The following ZFYVE26 variants were observed in gnomAD, a reference collection of about 807,000 sequenced individuals.
ZFYVE26 encodes the protein zinc finger FYVE-type containing 26, also known as zinc finger FYVE domain-containing protein 26.
A neutral mutation model predicts 276.5 loss-of-function variants in ZFYVE26; 181 were observed. The observed-to-expected ratio is 0.65, with a 90% CI of 0.58 to 0.74. ZFYVE26 has a LOEUF of 0.74. Among genes scored for constraint, ZFYVE26 ranks in the 30% least tolerant of loss-of-function variants. ZFYVE26 has a pLI of 0.00. For synonymous variants in ZFYVE26, 1,129 were observed against 1,203.1 expected (o/e 0.94, Z 1.27); for missense variants, 2,821 against 3,097.9 (o/e 0.91, Z 2.12).
In ZFYVE26 at chr14:67,783,381, G is replaced by T. The variant is rs2140223746; in HGVS notation, c.3771C>A (p.Ala1257=). Residue 1257 remains alanine, a synonymous_variant, in exon 21 of 42, where the codon GCC becomes GCA. Coordinates refer to ENST00000347230, the MANE Select transcript of ZFYVE26 (RefSeq NM_015346.4). ...SSLLTRLGTL[A]QLHASHCLDD... is the part of the protein sequence containing the mutation. Reference sequence around the variant, plus strand: ...CCAGGCAGTGAGAGGCGTGTAGCTGGGCCAGAGTACCCAGACGAGTCAGGA... The same window carrying T: ...CCAGGCAGTGAGAGGCGTGTAGCTGTGCCAGAGTACCCAGACGAGTCAGGA... 4 of 1,614,138 alleles carry T rather than the reference G, an allele frequency of 2.5e-6. No individual in the cohort carries two copies. The highest frequency in any genetic ancestry group is 3.4e-6 in the Non-Finnish European group (4 of 1,180,004).
At chr14:67,776,901 T>C (rs12893157) in intron 25 of ZFYVE26, among the ~76,000 whole-genome samples, 104,390 of 152,158 alleles carry the variant, frequency 0.69, 36,271 homozygotes, top group East Asian at 0.98. Context: ...TATAGGACTG[T>C]CAGGCAGAAT....
intron 13 of ZFYVE26, among the ~76,000 whole-genome samples, chr14:67,732,513 T>C (rs571191441): frequency 3.1e-5 from 4 of 130,786 alleles, no homozygotes; most frequent in African/African-American, 1.1e-4. Flanking sequence ...AGAGACTATA[T>C]CTCTATTTAT....
Position 67,761,604 on chromosome 14 carries a change from G to C in ZFYVE26, c.6370-20C>G, listed in dbSNP as rs548513659. ...ATCTTGCTGACAGCACAGGGAGCGA[G>C]AGAGAAAAATGAAACTCAAAAAGTT... On this transcript the variant is annotated intron_variant, in intron 34 of 41. Transcript: ENST00000347230. The C allele has an allele frequency of 6.2e-7, 1 of 1,609,774 alleles. No individual in the cohort carries two copies. The highest frequency in any genetic ancestry group is 1.1e-5 in the South Asian group (1 of 90,380).
Position 67,815,882 on chromosome 14 carries a change from C to T in ZFYVE26, c.82G>A (p.Glu28Lys). 6.2e-7 allele frequency: 1 copy of T among 1,614,184 alleles called. No individual in the cohort carries two copies. Among genetic ancestry groups the T allele is most frequent in the Non-Finnish European group, 8.5e-7 (1 of 1,180,032 alleles). Reference sequence around the variant, plus strand: ...ACACATGCCTGTGCCAGCTCCCATTCTCCCCTCCGCAGGCATTCGCAGAAA... The same window carrying T: ...ACACATGCCTGTGCCAGCTCCCATTTTCCCCTCCGCAGGCATTCGCAGAAA... The part of the protein sequence containing the change: ...GFFCECLRRG[E>K]WELAQACVPQ... The change falls in exon 2 of 42, where the codon GAA becomes AAA. Residue 28 changes from glutamate to lysine, a missense_variant. By Grantham distance (56) the Glu-to-Lys change is moderately conservative. Transcript: ENST00000347230.
chr14:67,729,335 G>T, exon 14 of ZFYVE26: 3 of 1,599,200 alleles, frequency 1.9e-6, no homozygotes, highest in Non-Finnish European at 2.5e-6. Flanking sequence ...AGCCTGCACT[G>T]CGCCCTGGCT....
rs757422996 is a variant in ZFYVE26 at position 67,762,251 on chromosome 14, C to T, written c.6321G>A (p.Gln2107=). Residue 2107 remains glutamine, a synonymous_variant, in exon 34 of 42, where the codon CAG becomes CAA. Coordinates refer to ENST00000347230, the MANE Select transcript of ZFYVE26 (RefSeq NM_015346.4). The part of the protein sequence containing the change: ...NQLNHGSRLV[Q]DVVEYLESTV... ...TGGACTCTAGGTACTCAACCACATCCTGCACCAGCCTTGAGCCATGATTCA... is the reference window on the plus strand; with the variant it reads ...TGGACTCTAGGTACTCAACCACATCTTGCACCAGCCTTGAGCCATGATTCA... 4 of 1,614,034 alleles carry T rather than the reference C, an allele frequency of 2.5e-6. No homozygotes were observed. The South Asian group carries it at 4.4e-5, about 18-fold the overall frequency.
chr14:67,772,304 C>T (rs565634205), intron 27 of ZFYVE26, 94 bp from the exon 28 acceptor site: 277 of 1,385,510 alleles, frequency 2.0e-4, no homozygotes, highest in East Asian at 1.2e-4. Flanking sequence ...TTTTACAAAC[C>T]GTTATTGAAA....
At chr14:67,796,074 G>A (rs1459171357) in intron 12 of ZFYVE26, 1 of 152,148 alleles carries the variant, frequency 6.6e-6, no homozygotes, top group African/African-American at 2.4e-5. Flanking sequence ...ATAAATAATA[G>A]GAGGGAGAGA....
Position 67,756,006 on chromosome 14 carries a change from T to C in ZFYVE26, c.6728A>G (p.Gln2243Arg), listed in dbSNP as rs1378929158. Residue 2243 changes from glutamine to arginine, a missense_variant, in exon 36 of 42, where the codon CAA (glutamine) becomes CGA (arginine). By Grantham distance (43) the Gln-to-Arg change is conservative. Transcript: ENST00000347230. ...SWGKYLIAAC[Q>R]HLQKKNYYHI... Reference sequence around the variant, plus strand: ...GTAGTAGTTCTTCTTCTGTAAATGTTGGCAGGCAGCAATCAAGTACTTTCC... The same window carrying C: ...GTAGTAGTTCTTCTTCTGTAAATGTCGGCAGGCAGCAATCAAGTACTTTCC... 2.1e-5 allele frequency: 34 copies of C among 1,614,276 alleles called. No homozygotes were observed. In the East Asian group the frequency reaches 7.4e-4, roughly 35 times the overall value.
At chr14:67,736,616 A>G (rs528856827) in intron 13 of ZFYVE26, among the ~76,000 whole-genome samples, 14 of 152,382 alleles carry the variant, frequency 9.2e-5, no homozygotes, top group African/African-American at 2.6e-4. Context: ...AGCAAAAAGC[A>G]TATGGGAAAA....
intron 9 of ZFYVE26, among the ~76,000 whole-genome samples, chr14:67,803,488 C>T (rs1228118879): frequency 2.0e-5 from 3 of 151,692 alleles, no homozygotes; most frequent in East Asian, 1.9e-4. Flanking sequence ...ATTACAGGCG[C>T]GCACCACCAC....
intron 28 of ZFYVE26, chr14:67,770,332 C>T (rs1225710043): frequency 2.4e-5 from 4 of 163,836 alleles, no homozygotes; most frequent in South Asian, 1.6e-4. Flanking sequence ...GGTGTGGTGG[C>T]GGGAGCCTGT....
rs1362431699 is a variant in ZFYVE26 at position 67,769,612 on chromosome 14, T to C, written c.5603A>G (p.Tyr1868Cys). The C allele has an allele frequency of 5.6e-6, 9 of 1,613,970 alleles. No homozygotes were observed. The highest frequency in any genetic ancestry group is 1.3e-5 in the African/African-American group (1 of 75,034). ...CACTCACTCTTTGTTGCAGTAACTA[T>C]AGCACTGATCACACACACGAGCAGG... ...ENPARVCDQC[Y>C]SYCNKDVPEE... The change falls in exon 29 of 42, where the codon TAT becomes TGT. Residue 1868 changes from tyrosine to cysteine, a missense_variant. Coordinates refer to ENST00000347230, the MANE Select transcript of ZFYVE26 (RefSeq NM_015346.4).
At chr14:67,735,054 A>C in intron 13 of ZFYVE26, 2 of 681,556 alleles carry the variant, frequency 2.9e-6, no homozygotes, top group Non-Finnish European at 5.4e-6. Flanking sequence ...AGATGCACTT[A>C]CAACCAACAG....
intron 12 of ZFYVE26, 25 bp downstream of exon 12, chr14:67,797,647 C>T (rs758193418): frequency 6.2e-7 from 1 of 1,612,934 alleles, no homozygotes. Flanking sequence ...TTGCCTAGTG[C>T]ATGGGAATGA....
chr14:67,734,034 C>T, intron 13 of ZFYVE26: 1 of 537,974 alleles, frequency 1.9e-6, no homozygotes, highest in Non-Finnish European at 3.5e-6. Flanking sequence ...TGGCTTATGG[C>T]ATGAGTTGTG....
chr14:67,797,794 T>C (rs754730775), intron 11 of ZFYVE26, 39 bp from the exon 12 acceptor site: 7 of 1,611,336 alleles, frequency 4.3e-6, no homozygotes, highest in Admixed American at 1.7e-5. Flanking sequence ...AGGAGAGTGA[T>C]CAACTTTGAT....
Position 67,761,398 on chromosome 14 carries a change from GGCA to G in ZFYVE26, c.6553_6555del (p.Cys2185del). 3.7e-6 allele frequency: 6 copies of G among 1,613,884 alleles called. No individual in the cohort carries two copies. The highest frequency in any genetic ancestry group is 5.1e-6 in the Non-Finnish European group (6 of 1,179,878). On this transcript the variant is annotated inframe_deletion, in exon 35 of 42. Transcript: ENST00000347230. ...AGAAGGTGCAGAAGAGCTTCCCGCAGGCAGCTGTGCCTCACGTAGAAGCTGATG... is the reference window on the plus strand; with the variant it reads ...AGAAGGTGCAGAAGAGCTTCCCGCAGGCTGTGCCTCACGTAGAAGCTGATG...
rs1466236611 is a variant in ZFYVE26, at chr14:67,798,756, C to A, written c.1640-134G>T. ...TATTTATTTTTTAATTATAAGGGAA[C>A]TGAGGTTACAGTGAGAAGAATAAGA... On this transcript the variant is annotated intron_variant, in intron 10 of 41. Coordinates refer to ENST00000347230, the MANE Select transcript of ZFYVE26 (RefSeq NM_015346.4). 7.6e-6 allele frequency: 9 copies of A among 1,180,594 alleles called. 1 individual carries two copies. The highest frequency in any genetic ancestry group is 1.1e-5 in the Non-Finnish European group (9 of 823,882). The allele number at this position is 1,180,594 out of a possible 1,614,324, so 73.1% of individuals were successfully genotyped here.
Sources: allele counts gnomAD v4.1 joint callset (sites outside exome capture counted in the v4.1 genomes callset), GRCh38; gene constraint gnomAD v4.1.1; transcripts MANE v1.5; gene names NCBI Gene and HGNC (gene_info 2026-07-23, HGNC 2026-07-21).